Variants in TENM3 observed in about 807,000 individuals in gnomAD.
The protein encoded by TENM3 is teneurin-3.
A neutral mutation model predicts 255.1 loss-of-function variants in TENM3; 63 were observed. That is an observed-to-expected ratio of 0.25 (90% confidence interval 0.20 to 0.30). The LOEUF is 0.30. TENM3 is among the 10% of genes least tolerant of loss of function. TENM3 has a pLI of 1.00. For missense variants in TENM3, 2,929 were observed against 3,461.1 expected (o/e 0.85, Z 3.86); for synonymous variants, 1,306 against 1,322.3 (o/e 0.99, Z 0.27).
the TENM3 span, among the ~76,000 whole-genome samples, chr4:181,565,836 C>A: frequency 1.3e-5 from 2 of 152,090 alleles, no homozygotes; most frequent in African/African-American, 4.8e-5. Flanking sequence ...AAGGGAAAAT[C>A]CTATGATTTA....
At chr4:182,026,183 A>G in the TENM3 span, among the ~76,000 whole-genome samples, 1 of 152,194 alleles carries the variant, frequency 6.6e-6, no homozygotes, top group South Asian at 2.1e-4. Flanking sequence ...ATAGTGCTCC[A>G]TGGTGTATAT....
chr4:182,441,270 C>T (rs908141028), intron 3 of TENM3, among the ~76,000 whole-genome samples: 1 of 152,096 alleles, frequency 6.6e-6, no homozygotes, highest in Non-Finnish European at 1.5e-5. Context: ...GACATTAGGT[C>T]ACAGCCTCTG....
chr4:182,716,127 C>A (rs984124428), intron 13 of TENM3, among the ~76,000 whole-genome samples: 17 of 152,092 alleles, frequency 1.1e-4, no homozygotes, highest in Admixed American at 9.2e-4. Context: ...CCCAAAGAAC[C>A]CCCTACTCCA....
intron 3 of TENM3, among the ~76,000 whole-genome samples, chr4:182,423,011 G>A (rs1348152238): frequency 1.3e-5 from 2 of 152,252 alleles, no homozygotes; most frequent in African/African-American, 2.4e-5. Flanking sequence ...ACTGGACTCC[G>A]TTTCTGAACT....
chr4:182,489,852 T>TCCCTTCCTCCC (rs1301480456), intron 3 of TENM3, among the ~76,000 whole-genome samples: 1 of 99,364 alleles, frequency 1.0e-5, no homozygotes, highest in Non-Finnish European at 2.5e-5. Context: ...CCTCCTTCCT[T>TCCCTTCCTCCC]TTCTTCCCTT....
intron 13 of TENM3, 92 bp from the exon 14 acceptor site, chr4:182,728,873 G>GAAA: frequency 4.1e-6 from 3 of 734,804 alleles, no homozygotes; most frequent in Non-Finnish European, 4.2e-6. Context: ...CACTTGATGT[G>GAAA]AAAAAAAAAA....
chr4:182,762,819 A>T (rs937007934), intron 22 of TENM3, among the ~76,000 whole-genome samples: 7 of 103,516 alleles, frequency 6.8e-5, no homozygotes, highest in Admixed American at 3.5e-4. Context: ...TGGGGATACT[A>T]TCATCTACAT....
chr4:181,586,704 G>A, the TENM3 span, among the ~76,000 whole-genome samples: 2 of 152,064 alleles, frequency 1.3e-5, no homozygotes, highest in African/African-American at 4.8e-5. Context: ...GCCAGGCGTG[G>A]TGGCACACTC....
the TENM3 span, among the ~76,000 whole-genome samples, chr4:181,904,396 A>G: frequency 3.9e-5 from 6 of 152,140 alleles, no homozygotes; most frequent in African/African-American, 9.7e-5. Flanking sequence ...AGATGCCCCA[A>G]TCACTCTGAT....
chr4:182,295,393 A>G (rs1761419558), intron 1 of TENM3, among the ~76,000 whole-genome samples: 1 of 148,044 alleles, frequency 6.8e-6, no homozygotes, highest in Admixed American at 6.9e-5. Flanking sequence ...TCAGCCTCCC[A>G]AGTGGCTAGG....
At chr4:181,927,990 A>T in the TENM3 span, among the ~76,000 whole-genome samples, 1 of 152,178 alleles carries the variant, frequency 6.6e-6, no homozygotes, top group Non-Finnish European at 1.5e-5. Flanking sequence ...CAACATCAAC[A>T]AAAAGGACGT....
the TENM3 span, among the ~76,000 whole-genome samples, chr4:181,511,522 C>CACTAA: frequency 6.6e-6 from 1 of 152,196 alleles, no homozygotes; most frequent in African/African-American, 2.4e-5. Flanking sequence ...TGTTTGGGTT[C>CACTAA]ACAGGCTGCC....
At chr4:181,728,325 C>T in the TENM3 span, among the ~76,000 whole-genome samples, 2 of 152,092 alleles carry the variant, frequency 1.3e-5, no homozygotes, top group Non-Finnish European at 2.9e-5. Flanking sequence ...AAAGTGAAAG[C>T]GGTTAAGAAA....
At chr4:182,061,761 C>T in the TENM3 span, among the ~76,000 whole-genome samples, 6 of 152,088 alleles carry the variant, frequency 3.9e-5, no homozygotes, top group African/African-American at 1.4e-4. Context: ...GAGTTGGAGG[C>T]CAGCCTGGGC....
chr4:182,736,265 A>G (rs1464725241), intron 16 of TENM3, among the ~76,000 whole-genome samples: 2 of 152,210 alleles, frequency 1.3e-5, no homozygotes. Context: ...CCAGCTGATG[A>G]GGCTATAGGT....
chr4:181,491,266 CT>C, the TENM3 span, among the ~76,000 whole-genome samples: 4 of 151,652 alleles, frequency 2.6e-5, no homozygotes, highest in African/African-American at 9.7e-5. Flanking sequence ...TTTTAGGCTT[CT>C]TTTTTTGTAA....
At chr4:181,782,715 G>C in the TENM3 span, among the ~76,000 whole-genome samples, 6 of 151,612 alleles carry the variant, frequency 4.0e-5, no homozygotes, top group Non-Finnish European at 7.4e-5. Flanking sequence ...GTGACTTTAG[G>C]GTGTCAATTT....
chr4:182,356,652 G>C (rs765193821), intron 3 of TENM3, among the ~76,000 whole-genome samples: 1 of 151,890 alleles, frequency 6.6e-6, no homozygotes, highest in Non-Finnish European at 1.5e-5. Context: ...GGTCCTTGGA[G>C]TATGAATGTG....
chr4:182,421,822 A>G (rs923931559), intron 3 of TENM3, among the ~76,000 whole-genome samples: 1 of 152,212 alleles, frequency 6.6e-6, no homozygotes, highest in Non-Finnish European at 1.5e-5. Context: ...GTCCATACCA[A>G]CTAGCCAAAG....
Sources: gnomAD v4.1 joint callset for allele counts (sites outside exome capture counted in the v4.1 genomes callset) on GRCh38, gnomAD v4.1.1 for gene constraint, MANE v1.5 for transcripts, NCBI Gene and HGNC (gene_info 2026-07-23, HGNC 2026-07-21) for gene names.